Variants in VOPP1 observed in about 807,000 individuals in gnomAD.
VOPP1 encodes WW domain binding protein VOPP1.
In VOPP1, 8 loss-of-function variants were observed where a neutral mutation model predicts 23.5. The ratio of observed to expected loss-of-function variants is 0.34; its 90% CI spans 0.20 to 0.61. The LOEUF (loss-of-function observed/expected upper bound fraction) is 0.61. Among genes scored for constraint, VOPP1 ranks in the 20% least tolerant of loss-of-function variants. VOPP1 has a pLI of 0.78. For missense variants in VOPP1, 174 were observed against 238.1 expected, an observed-to-expected ratio of 0.73 and a Z score of 1.77; for synonymous variants, 83 against 97.3, an observed-to-expected ratio of 0.85 and a Z score of 0.86.
intron 2 of VOPP1, among the ~76,000 whole-genome samples, chr7:55,502,017 A>C (rs1794405454): frequency 6.6e-6 from 1 of 152,246 alleles, no homozygotes; most frequent in African/African-American, 2.4e-5. Flanking sequence ...TAAAAGAGGA[A>C]AGCAGGTATA....
intron 2 of VOPP1, among the ~76,000 whole-genome samples, chr7:55,500,989 G>A (rs556191457): frequency 1.3e-5 from 2 of 152,250 alleles, no homozygotes; most frequent in African/African-American, 4.8e-5. Context: ...ACCTGCTGTG[G>A]AAATTTCAAA....
chr7:55,509,468 T>G (rs1437731531), intron 2 of VOPP1, among the ~76,000 whole-genome samples: 1 of 152,144 alleles, frequency 6.6e-6, no homozygotes, highest in African/African-American at 2.4e-5. Flanking sequence ...GTAATCCCAT[T>G]CACGAGGACA....
chr7:55,525,578 G>A (rs141729831), intron 1 of VOPP1, among the ~76,000 whole-genome samples: 68 of 151,740 alleles, frequency 4.5e-4, no homozygotes, highest in African/African-American at 1.5e-3. Context: ...CTAGGGCATC[G>A]TTTCCTGATC....
chr7:55,441,764 T>C (rs1296316759), intron 4 of VOPP1, among the ~76,000 whole-genome samples: 2 of 152,028 alleles, frequency 1.3e-5, no homozygotes, highest in Non-Finnish European at 1.5e-5. Flanking sequence ...CTGCCCCACT[T>C]CCTTGGTTCT....
chr7:55,489,507 C>G lies in VOPP1; in HGVS notation c.328+2775G>C, dbSNP rs116519578. Among the ~76,000 whole-genome samples, 714 of 152,284 alleles carry G rather than the reference C, an allele frequency of 4.7e-3. 8 individuals carry two copies. The highest frequency in any genetic ancestry group is 0.017 in the African/African-American group (690 of 41,566). ...TTCTCAACTTTCTCTCCCTCGCACTCATGATGGTCAGTCACTATAGAGTTG... is the reference window on the plus strand; with the variant it reads ...TTCTCAACTTTCTCTCCCTCGCACTGATGATGGTCAGTCACTATAGAGTTG... On this transcript the variant is annotated intron_variant, in intron 4 of 4. Transcript: ENST00000285279.
intron 1 of VOPP1, among the ~76,000 whole-genome samples, chr7:55,556,643 C>CA (rs879326969): frequency 2.6e-5 from 4 of 151,314 alleles, no homozygotes; most frequent in African/African-American, 4.8e-5. Flanking sequence ...GGAACCCCCC[C>CA]CCAAAACACT....
At chr7:55,474,041 C>T (rs751115025) in intron 4 of VOPP1, among the ~76,000 whole-genome samples, 28 of 152,212 alleles carry the variant, frequency 1.8e-4, no homozygotes, top group Non-Finnish European at 3.7e-4. Context: ...TGCGCATGTG[C>T]GGAAGGAGAG....
chr7:55,537,581 C>T (rs1000379800), intron 1 of VOPP1: 65 of 1,535,830 alleles, frequency 4.2e-5, no homozygotes, highest in South Asian at 1.2e-4. Flanking sequence ...CAGTCGCCCA[C>T]GGTCCTGTCA....
chr7:55,492,381 C>T lies in VOPP1; in HGVS notation c.229G>A (p.Ala77Thr). 6.2e-7 allele frequency: 1 copy of T among 1,610,368 alleles called. No individual in the cohort carries two copies. Reference protein sequence around the residue: ...LMMGVLFCCGAGFFIRRRMYP... With the variant: ...LMMGVLFCCGTGFFIRRRMYP... ...ATGCGCCTCCGGATGAAGAAGCCGG[C>T]TCCGCAGCAGAAAAGCACGCCCATC... Residue 77 changes from alanine to threonine, a missense_variant, in exon 4 of 5, where the codon GCC becomes ACC. Physicochemically the swap from Ala to Thr is moderately conservative, Grantham distance 58. Transcript: ENST00000285279.
rs373562150 is a variant in VOPP1 at position 55,439,078 on chromosome 7, G to A, written n.418-2904C>T. Among the ~76,000 whole-genome samples the A allele has an allele frequency of 5.9e-5, 9 of 152,262 alleles. No individual in the cohort carries two copies. The South Asian group carries it at 6.2e-4, about 11-fold the overall frequency. ...TCAAGGTGGTTTATTAGAGGCGGGC[G>A]AGTCTGGAGTTTGGAGGGAAGTCTG... On this transcript the variant is annotated intron_variant and non_coding_transcript_variant, in intron 4 of 4. Coordinates refer to the VOPP1 transcript ENST00000462326.
intron 2 of VOPP1, among the ~76,000 whole-genome samples, chr7:55,500,513 C>G (rs1794293239): frequency 6.6e-6 from 1 of 152,200 alleles, no homozygotes. Context: ...TAATCTCAGC[C>G]TTGTGAGGTG....
intron 1 of VOPP1, among the ~76,000 whole-genome samples, chr7:55,535,592 C>T (rs1027638951): frequency 6.6e-6 from 1 of 152,234 alleles, no homozygotes; most frequent in African/African-American, 2.4e-5. Flanking sequence ...CTGGAAAACA[C>T]TTCTTCAGAG....
Position 55,521,074 on chromosome 7 carries a change from A to G in VOPP1, c.111T>C (p.Tyr37=). 1 of 1,576,990 alleles carries G rather than the reference A, an allele frequency of 6.3e-7. No individual in the cohort carries two copies. Among genetic ancestry groups the G allele is most frequent in the South Asian group, 1.2e-5 (1 of 85,742 alleles). Residue 37 remains tyrosine, a splice_region_variant and synonymous_variant, in exon 2 of 5, where the codon TAT becomes TAC. Coordinates refer to ENST00000285279, the MANE Select transcript of VOPP1 (RefSeq NM_030796.5). The part of the protein sequence containing the change: ...WYFEGLYPTY[Y]ICRSYEDCCG... ...CACAGAAAGGTGCAAATACTTACATATAATAGGTTGGATAGAGTCCTTCGA... is the reference window on the plus strand; with the variant it reads ...CACAGAAAGGTGCAAATACTTACATGTAATAGGTTGGATAGAGTCCTTCGA...
At chr7:55,495,994 G>A (rs1353449880) in intron 3 of VOPP1, among the ~76,000 whole-genome samples, 1 of 152,232 alleles carries the variant, frequency 6.6e-6, no homozygotes, top group Admixed American at 6.5e-5. Flanking sequence ...AAGGTGTCCT[G>A]CCTCTGACAG....
intron 4 of VOPP1, among the ~76,000 whole-genome samples, chr7:55,482,822 A>C (rs1327708266): frequency 1.3e-5 from 2 of 152,212 alleles, no homozygotes; most frequent in African/African-American, 2.4e-5. Flanking sequence ...AGCAAGATTA[A>C]GTAGAAAATG....
At chr7:55,460,571 G>C (rs1791474418) in intron 4 of VOPP1, among the ~76,000 whole-genome samples, 1 of 152,122 alleles carries the variant, frequency 6.6e-6, no homozygotes, top group Admixed American at 6.5e-5. Flanking sequence ...TTATACAGCT[G>C]GGTGCTCGAG....
intron 1 of VOPP1, among the ~76,000 whole-genome samples, chr7:55,544,089 C>T (rs1469269798): frequency 6.6e-6 from 1 of 152,138 alleles, no homozygotes; most frequent in Non-Finnish European, 1.5e-5. Context: ...GATTTTTGTA[C>T]ATGGCGAGAG....
At chr7:55,484,240 T>G (rs1792959783) in intron 4 of VOPP1, among the ~76,000 whole-genome samples, 1 of 152,236 alleles carries the variant, frequency 6.6e-6, no homozygotes, top group Non-Finnish European at 1.5e-5. Flanking sequence ...GTTTAGAATG[T>G]GGACATGTTG....
At chr7:55,529,364 C>CAAAA in intron 1 of VOPP1, among the ~76,000 whole-genome samples, 1 of 107,498 alleles carries the variant, frequency 9.3e-6, no homozygotes, top group Non-Finnish European at 1.8e-5. Context: ...GATTCCGTCT[C>CAAAA]AAAAAAAAAA....
Sources: allele counts gnomAD v4.1 joint callset (sites outside exome capture counted in the v4.1 genomes callset), GRCh38; gene constraint gnomAD v4.1.1; transcripts MANE v1.5; gene names NCBI Gene and HGNC (gene_info 2026-07-23, HGNC 2026-07-21).